Variants in CCDC181 observed in about 807,000 individuals in gnomAD.
CCDC181 encodes the protein coiled-coil domain-containing protein 181.
In CCDC181, 35 loss-of-function variants were observed where a neutral mutation model predicts 58.7. That is an observed-to-expected ratio of 0.60 (90% CI 0.46 to 0.79). CCDC181 has a LOEUF of 0.79. CCDC181 is among the 30% of genes least tolerant of loss of function. The pLI is 0.00. For synonymous variants in CCDC181, 183 were observed against 197.5 expected (o/e 0.93, Z 0.62); for missense variants, 517 against 583.9 (o/e 0.89, Z 1.18).
At chr1:169,422,698 T>C (rs1474573987) in intron 2 of CCDC181, among the ~76,000 whole-genome samples, 2 of 152,138 alleles carry the variant, frequency 1.3e-5, no homozygotes, top group East Asian at 3.8e-4. Context: ...ATATTTGCAT[T>C]CTTCAATCAA....
At chr1:169,436,657 A>T (rs909617694) in intron 2 of CCDC181, among the ~76,000 whole-genome samples, 1 of 152,232 alleles carries the variant, frequency 6.6e-6, no homozygotes, top group African/African-American at 2.4e-5. Flanking sequence ...ACAATCATTC[A>T]CCATCTGTAA....
chr1:169,437,837 G>T (rs1055185542), intron 2 of CCDC181, among the ~76,000 whole-genome samples: 5 of 152,128 alleles, frequency 3.3e-5, no homozygotes, highest in African/African-American at 1.2e-4. Flanking sequence ...TGAGTACTAG[G>T]GTAAGTAGTG....
In CCDC181 at chr1:169,404,231, G is replaced by A. The variant is rs141986223; in HGVS notation, c.1216-6840C>T. Among the ~76,000 whole-genome samples the A allele has an allele frequency of 8.8e-3, 1,335 of 152,258 alleles. 20 individuals carry two copies. Among genetic ancestry groups the A allele is most frequent in the African/African-American group, 0.03 (1,254 of 41,518 alleles). ...GATTCACAGCCAAATTCTACCAGAG[G>A]TACAAAGAGGAGCAGGTACCATTCC... On this transcript the variant is annotated intron_variant, in intron 4 of 5. Coordinates refer to ENST00000367806, the MANE Select transcript of CCDC181 (RefSeq NM_001300969.2).
intron 4 of CCDC181, among the ~76,000 whole-genome samples, chr1:169,398,546 A>G (rs553512517): frequency 1.6e-4 from 25 of 152,306 alleles, no homozygotes; most frequent in African/African-American, 4.6e-4. Context: ...GCACTAAAGT[A>G]CTGGGTTGCA....
chr1:169,427,989 G>A (rs547675747), upstream of CCDC181, among the ~76,000 whole-genome samples: 7 of 152,268 alleles, frequency 4.6e-5, no homozygotes, highest in South Asian at 8.3e-4. Context: ...GGTGAAAGTT[G>A]AGATGATTTT....
chr1:169,444,229 T>C (rs1434173976), intron 2 of CCDC181, among the ~76,000 whole-genome samples: 1 of 152,174 alleles, frequency 6.6e-6, no homozygotes, highest in East Asian at 1.9e-4. Flanking sequence ...ATAGTGCTTT[T>C]TTATTTGACA....
chr1:169,408,321 C>T (rs113525995), intron 4 of CCDC181, among the ~76,000 whole-genome samples: 9 of 152,338 alleles, frequency 5.9e-5, no homozygotes, highest in East Asian at 3.9e-4. Context: ...CACCACATCT[C>T]GGCAAAGCCA....
chr1:169,435,576 T>C (rs1657037060), intron 2 of CCDC181, among the ~76,000 whole-genome samples: 1 of 152,142 alleles, frequency 6.6e-6, no homozygotes, highest in Non-Finnish European at 1.5e-5. Flanking sequence ...ATCAATAACA[T>C]AGAGATCATA....
rs1172259104 is a variant in CCDC181, at chr1:169,394,910, TA to T, written c.*136del. ...AAAAAAATTTATTTTGTTCTAGTAT[TA>T]AAAAAACAAATTCACTGTCAATAAA... On this transcript the variant is annotated 3_prime_UTR_variant, in exon 6 of 6. Coordinates refer to ENST00000367806, the MANE Select transcript of CCDC181 (RefSeq NM_001300969.2). 5 of 783,806 alleles carry T rather than the reference TA, an allele frequency of 6.4e-6. No homozygotes were observed. The highest frequency in any genetic ancestry group is 5.2e-5 in the South Asian group (2 of 38,144). The allele number at this position is 783,806 out of a possible 1,614,324, so 48.6% of individuals were successfully genotyped here.
intron 2 of CCDC181, 33 bp downstream of exon 2, chr1:169,424,778 A>G: frequency 8.7e-7 from 1 of 1,144,104 alleles, no homozygotes; most frequent in Non-Finnish European, 1.3e-6. Flanking sequence ...ACTTTGTAAT[A>G]TAATTATTAT....
At chr1:169,426,854 G>C (rs190522899) in intron 1 of CCDC181, among the ~76,000 whole-genome samples, 43 of 152,254 alleles carry the variant, frequency 2.8e-4, no homozygotes, top group Admixed American at 6.5e-4. Flanking sequence ...AAAGTATGAT[G>C]ATAAATATTT....
At chr1:169,438,343 A>G (rs1449597106) in intron 2 of CCDC181, among the ~76,000 whole-genome samples, 1 of 152,086 alleles carries the variant, frequency 6.6e-6, no homozygotes, top group African/African-American at 2.4e-5. Flanking sequence ...CTGCCGGCAT[A>G]CTAGGTTTTC....
At chr1:169,408,642 G>A (rs1655802986) in intron 4 of CCDC181, among the ~76,000 whole-genome samples, 1 of 152,114 alleles carries the variant, frequency 6.6e-6, no homozygotes, top group Non-Finnish European at 1.5e-5. Context: ...CCTCACACAG[G>A]AGAGCTCTGG....
In CCDC181 at chr1:169,418,823, AT is replaced by A. The variant is rs982798820; in HGVS notation, c.1215+189del. 3.4e-5 allele frequency: 18 copies of A among 525,550 alleles called. No homozygotes were observed. The African/African-American group carries it at 3.5e-4, about 10-fold the overall frequency. 32.6% of individuals were successfully genotyped at this position (525,550 alleles called of 1,614,324 possible). ...TCAAAGTCTGAACAAAATAGGAATCATTTTATTTTCACAAGACCTCTTAGAA... is the reference window on the plus strand; with the variant it reads ...TCAAAGTCTGAACAAAATAGGAATCATTTATTTTCACAAGACCTCTTAGAA... On this transcript the variant is annotated intron_variant, in intron 4 of 5. Coordinates refer to ENST00000367806, the MANE Select transcript of CCDC181 (RefSeq NM_001300969.2).
intron 5 of CCDC181, chr1:169,395,880 T>TTG (rs1553201911): frequency 7.4e-6 from 1 of 134,964 alleles, no homozygotes; most frequent in Non-Finnish European, 1.5e-5. Context: ...GTTTTGTTGT[T>TTG]TTTTTTTTTT....
At chr1:169,424,987 C>T in intron 1 of CCDC181, 37 bp from the exon 2 acceptor site, 3 of 981,124 alleles carry the variant, frequency 3.1e-6, no homozygotes, top group East Asian at 2.4e-5. Flanking sequence ...ATGTTATGCC[C>T]ACTCTAGAGG....
intron 2 of CCDC181, among the ~76,000 whole-genome samples, chr1:169,436,274 A>G (rs937696634): frequency 6.6e-6 from 1 of 152,222 alleles, no homozygotes; most frequent in Non-Finnish European, 1.5e-5. Flanking sequence ...ATGCTTAACT[A>G]TCCCAAAGAC....
At chr1:169,452,147 A>G (rs978024861) in intron 2 of CCDC181, among the ~76,000 whole-genome samples, 1 of 152,038 alleles carries the variant, frequency 6.6e-6, no homozygotes, top group Non-Finnish European at 1.5e-5. Context: ...TCAGGATTAC[A>G]CCTTAGGTTA....
At chr1:169,458,826 ATTT>A (rs555760110) in intron 2 of CCDC181, among the ~76,000 whole-genome samples, 1 of 151,550 alleles carries the variant, frequency 6.6e-6, no homozygotes, top group Non-Finnish European at 1.5e-5. Context: ...GTCTTTGGTG[ATTT>A]TTAATAGTCT....
Sources: allele counts gnomAD v4.1 joint callset (sites outside exome capture counted in the v4.1 genomes callset), GRCh38; gene constraint gnomAD v4.1.1; transcripts MANE v1.5; gene names NCBI Gene and HGNC (gene_info 2026-07-23, HGNC 2026-07-21).